COLEC10: variants seen among roughly 807,000 people sequenced by gnomAD.
COLEC10 encodes the protein collectin-10.
Under a neutral mutation model 28.4 loss-of-function variants are expected in COLEC10, and 22 were observed. The observed-to-expected ratio is 0.78, with a 90% CI of 0.55 to 1.11. The LOEUF (loss-of-function observed/expected upper bound fraction) is 1.11. COLEC10 is among the 50% of genes least tolerant of loss of function. The pLI is 0.00. For synonymous variants in COLEC10, 125 were observed against 116.1 expected (o/e 1.08, Z -0.49); for missense variants, 361 against 344.1 (o/e 1.05, Z -0.39).
At chr8:118,981,736 A>G in the COLEC10 span, among the ~76,000 whole-genome samples, 2 of 152,146 alleles carry the variant, frequency 1.3e-5, no homozygotes, top group Non-Finnish European at 2.9e-5. Flanking sequence ...AATTTTGTTC[A>G]GCAATTGAAT....
At chr8:119,020,658 G>T (rs1397308279) in intron 2 of COLEC10, among the ~76,000 whole-genome samples, 1 of 152,060 alleles carries the variant, frequency 6.6e-6, no homozygotes, top group African/African-American at 2.4e-5. Flanking sequence ...TGGTTACCTG[G>T]TATTATCATG....
rs368396401 is a variant in COLEC10, at chr8:119,091,134, A to G, written c.221-15A>G. Reference sequence around the variant, plus strand: ...TAAAACCTTATGATAAAAAGATAACATGTTTGCTTTTCAGGAATTAAAGGA... The same window carrying G: ...TAAAACCTTATGATAAAAAGATAACGTGTTTGCTTTTCAGGAATTAAAGGA... On this transcript the variant is annotated splice_polypyrimidine_tract_variant and intron_variant, in intron 2 of 5. Transcript: ENST00000332843. 11 of 1,605,468 alleles carry G rather than the reference A, an allele frequency of 6.9e-6. No individual in the cohort carries two copies. Among genetic ancestry groups the G allele is most frequent in the Non-Finnish European group, 9.4e-6 (11 of 1,172,592 alleles).
chr8:119,002,522 C>T lies in COLEC10; in HGVS notation n.123-6919C>T, dbSNP rs914786325. Among the ~76,000 whole-genome samples, 8 of 152,068 alleles carry T rather than the reference C, an allele frequency of 5.3e-5. No homozygotes were observed. In the South Asian group the frequency reaches 6.2e-4, roughly 12 times the overall value. ...AAAAGAAATTGAACAACTCTGGATT[C>T]GGGGCCAGGACCCAACTGTTAAAAC... On this transcript the variant is annotated intron_variant and non_coding_transcript_variant, in intron 1 of 6. Transcript: ENST00000521788.
intron 1 of COLEC10, among the ~76,000 whole-genome samples, chr8:119,001,193 G>GA (rs1448846822): frequency 6.6e-6 from 1 of 152,078 alleles, no homozygotes; most frequent in Non-Finnish European, 1.5e-5. Flanking sequence ...TGTCATAGTG[G>GA]AAAAATTTGA....
chr8:118,981,708 G>C, the COLEC10 span, among the ~76,000 whole-genome samples: 1 of 152,178 alleles, frequency 6.6e-6, no homozygotes, highest in East Asian at 1.9e-4. Flanking sequence ...TGCTTATCCT[G>C]ATGGAATAGA....
the COLEC10 span, among the ~76,000 whole-genome samples, chr8:118,958,919 C>T: frequency 0.043 from 6,514 of 152,206 alleles, 480 homozygotes; most frequent in African/African-American, 0.15. Flanking sequence ...CCCTCAACAG[C>T]TCAGATCTCA....
At chr8:119,050,136 A>G (rs1814652111) in intron 2 of COLEC10, among the ~76,000 whole-genome samples, 1 of 152,204 alleles carries the variant, frequency 6.6e-6, no homozygotes, top group South Asian at 2.1e-4. Flanking sequence ...TACTTGCAAC[A>G]TGAATGTTCC....
chr8:118,991,480 GA>G (rs1170179326), upstream of COLEC10, among the ~76,000 whole-genome samples: 2 of 152,140 alleles, frequency 1.3e-5, no homozygotes, highest in African/African-American at 4.8e-5. Context: ...TAAAGTCACT[GA>G]AACCTACAGA....
intron 5 of COLEC10, among the ~76,000 whole-genome samples, chr8:119,104,369 C>T (rs1470691759): frequency 6.6e-6 from 1 of 152,040 alleles, no homozygotes; most frequent in Non-Finnish European, 1.5e-5. Flanking sequence ...AGTACCTTGC[C>T]CATAGATACA....
At chr8:118,990,967 A>T (rs925950160), upstream of COLEC10, among the ~76,000 whole-genome samples, 1 of 150,432 alleles carries the variant, frequency 6.6e-6, no homozygotes, top group Admixed American at 6.6e-5. Flanking sequence ...TAGGGAATTA[A>T]AGAAAAAAAA....
chr8:118,977,827 T>C, the COLEC10 span, among the ~76,000 whole-genome samples: 1 of 151,792 alleles, frequency 6.6e-6, no homozygotes, highest in Non-Finnish European at 1.5e-5. Flanking sequence ...ACATAGCCCT[T>C]AGGTTGTTAA....
chr8:118,985,505 T>TA, the COLEC10 span, among the ~76,000 whole-genome samples: 54 of 151,128 alleles, frequency 3.6e-4, no homozygotes, highest in East Asian at 9.7e-4. Context: ...TGTGTTATTT[T>TA]AAAAAAAAAG....
upstream of COLEC10, among the ~76,000 whole-genome samples, chr8:118,992,585 T>C (rs911115009): frequency 3.9e-5 from 6 of 152,118 alleles, no homozygotes; most frequent in Non-Finnish European, 7.4e-5. Flanking sequence ...GGAAGCCAAA[T>C]CTATTAAGAT....
At chr8:119,041,092 G>A (rs1338153625) in intron 2 of COLEC10, among the ~76,000 whole-genome samples, 1 of 152,158 alleles carries the variant, frequency 6.6e-6, no homozygotes, top group Non-Finnish European at 1.5e-5. Flanking sequence ...TTGACACTAT[G>A]CCAAAGGAGC....
chr8:119,093,103 A>C (rs2130286743), intron 3 of COLEC10, among the ~76,000 whole-genome samples: 1 of 152,316 alleles, frequency 6.6e-6, no homozygotes, highest in African/African-American at 2.4e-5. Flanking sequence ...GCTTAATCCC[A>C]TGGGTAATAT....
intron 2 of COLEC10, among the ~76,000 whole-genome samples, chr8:119,014,775 CTT>C (rs1181702591): frequency 3.3e-5 from 5 of 151,020 alleles, no homozygotes; most frequent in Non-Finnish European, 7.4e-5. Context: ...CTTTTATTCT[CTT>C]TGCTTTTCCA....
At chr8:119,049,453 C>T (rs149851465) in intron 2 of COLEC10, among the ~76,000 whole-genome samples, 2 of 116,052 alleles carry the variant, frequency 1.7e-5, no homozygotes, top group South Asian at 6.2e-4. Flanking sequence ...CTCGCTCCAT[C>T]GCCTAGGCTG....
At chr8:119,010,577 G>A (rs201108542) in intron 2 of COLEC10, among the ~76,000 whole-genome samples, 1 of 150,964 alleles carries the variant, frequency 6.6e-6, no homozygotes, top group East Asian at 1.9e-4. Context: ...GTATGACACT[G>A]ACAAACTGTT....
intron 2 of COLEC10, among the ~76,000 whole-genome samples, chr8:119,030,386 T>C (rs1814266593): frequency 1.3e-5 from 2 of 151,748 alleles, no homozygotes; most frequent in South Asian, 4.1e-4. Context: ...TTGGTGTGGC[T>C]GGGCATGATG....
Sources: gnomAD v4.1 joint callset for allele counts (sites outside exome capture counted in the v4.1 genomes callset) on GRCh38, gnomAD v4.1.1 for gene constraint, MANE v1.5 for transcripts, NCBI Gene and HGNC (gene_info 2026-07-23, HGNC 2026-07-21) for gene names.